Variants in SLC25A26 observed in about 807,000 individuals in gnomAD.
SLC25A26 encodes the protein mitochondrial S-adenosylmethionine carrier protein.
Under a neutral mutation model 37.8 loss-of-function variants are expected in SLC25A26, and 36 were observed. That is an observed-to-expected ratio of 0.95 (90% CI 0.73 to 1.26). SLC25A26 has a LOEUF of 1.26. Ranked by LOEUF, SLC25A26 falls within the 50% of genes most tolerant of loss-of-function variation. The pLI is 0.00. For missense variants in SLC25A26, 390 were observed against 331.1 expected, an observed-to-expected ratio of 1.18 and a Z score of -1.38; for synonymous variants, 129 against 122.5, an observed-to-expected ratio of 1.05 and a Z score of -0.35.
At chr3:66,221,375 C>T (rs1043137873) in intron 1 of SLC25A26, among the ~76,000 whole-genome samples, 3 of 152,102 alleles carry the variant, frequency 2.0e-5, no homozygotes, top group African/African-American at 4.8e-5. Context: ...TCTTTTGCAC[C>T]CTCATTTACT....
At chr3:66,244,907 G>T (rs2072757334) in intron 3 of SLC25A26, among the ~76,000 whole-genome samples, 1 of 152,030 alleles carries the variant, frequency 6.6e-6, no homozygotes, top group Non-Finnish European at 1.5e-5. Context: ...AACCCGGGAG[G>T]CAGAGCTTGC....
chr3:66,143,382 A>G (rs1161805055), intron 1 of SLC25A26, among the ~76,000 whole-genome samples: 1 of 152,184 alleles, frequency 6.6e-6, no homozygotes, highest in Non-Finnish European at 1.5e-5. Flanking sequence ...TCATGTGACA[A>G]TTCTGTTGAA....
chr3:66,353,173 C>A (rs982734727), intron 6 of SLC25A26, among the ~76,000 whole-genome samples: 1 of 152,186 alleles, frequency 6.6e-6, no homozygotes, highest in African/African-American at 2.4e-5. Flanking sequence ...GTTGCCTGAG[C>A]ACCTTTTACT....
chr3:66,156,454 GC>G lies in SLC25A26; in HGVS notation c.-354+22472del, dbSNP rs1219448374. On this transcript the variant is annotated intron_variant, in intron 1 of 10. Transcript: ENST00000676754. ...TAGCAACATGATATAGGGTGATAGG[GC>G]CAGGGGTGGGAAGGGTTATTTTGAT... 2.4e-5 allele frequency among the ~76,000 whole-genome samples: 3 copies of G among 127,336 alleles called. No homozygotes were observed. In the South Asian group the frequency reaches 7.5e-4, roughly 32 times the overall value. 83.5% of individuals were successfully genotyped at this position (127,336 alleles called of 152,430 possible).
At chr3:66,202,475 A>G (rs1469168317) in intron 1 of SLC25A26, among the ~76,000 whole-genome samples, 2 of 150,780 alleles carry the variant, frequency 1.3e-5, no homozygotes, top group East Asian at 3.9e-4. Context: ...GCATGTGTAT[A>G]CCTATGTAAC....
Position 66,377,834 on chromosome 3 carries a change from C to A in SLC25A26, c.*27C>A, listed in dbSNP as rs762789141. 1.3e-6 allele frequency: 2 copies of A among 1,560,982 alleles called. No homozygotes were observed. Among genetic ancestry groups the A allele is most frequent in the African/African-American group, 2.7e-5 (2 of 73,870 alleles). On this transcript the variant is annotated 3_prime_UTR_variant, in exon 10 of 10. Coordinates refer to ENST00000354883, the MANE Select transcript of SLC25A26 (RefSeq NM_001379210.1). ...GCAGAGACAAGCCTCACCTCCACTT[C>A]TGTCAAGAGAGGGGCCTGCAGTGCA...
intron 1 of SLC25A26, among the ~76,000 whole-genome samples, chr3:66,157,030 C>G (rs1042428331): frequency 6.6e-6 from 1 of 152,012 alleles, no homozygotes; most frequent in Non-Finnish European, 1.5e-5. Context: ...CTCAGGAGTT[C>G]AAGACCAGCC....
rs1221633027 is a variant in SLC25A26 at position 66,262,048 on chromosome 3, T to C, written c.301-3T>C. ...TTAGGATATAATCAAATTTGTCTTT[T>C]AGGTTGCCTGCCTGATTCGAGTTCC... On this transcript the variant is annotated splice_region_variant and splice_polypyrimidine_tract_variant and intron_variant, in intron 3 of 9. Transcript: ENST00000354883. The C allele has an allele frequency of 1.3e-6, 2 of 1,551,472 alleles. No individual in the cohort carries two copies. Among genetic ancestry groups the C allele is most frequent in the Non-Finnish European group, 1.7e-6 (2 of 1,143,604 alleles).
intron 5 of SLC25A26, among the ~76,000 whole-genome samples, chr3:66,311,382 C>T (rs1232530766): frequency 2.6e-5 from 4 of 152,032 alleles, no homozygotes; most frequent in Non-Finnish European, 5.9e-5. Context: ...TTCTAGTTAG[C>T]TGTTCCTGTA....
At chr3:66,162,605 G>A (rs145588671) in intron 1 of SLC25A26, among the ~76,000 whole-genome samples, 14,344 of 152,184 alleles carry the variant, frequency 0.094, 821 homozygotes, top group Middle Eastern at 0.18. Context: ...AATCATGGAG[G>A]TCTTTGTCAT....
At chr3:66,157,926 A>G (rs1379962151) in intron 1 of SLC25A26, among the ~76,000 whole-genome samples, 2 of 152,222 alleles carry the variant, frequency 1.3e-5, no homozygotes, top group African/African-American at 4.8e-5. Flanking sequence ...TTTCAGGTCA[A>G]ATGCAGAATT....
At chr3:66,279,995 C>T (rs754519959) in intron 5 of SLC25A26, among the ~76,000 whole-genome samples, 2 of 152,176 alleles carry the variant, frequency 1.3e-5, no homozygotes, top group Non-Finnish European at 2.9e-5. Flanking sequence ...TGTTCACAGT[C>T]AGCTATGCTA....
intron 1 of SLC25A26, among the ~76,000 whole-genome samples, chr3:66,172,028 G>A (rs1210919691): frequency 3.9e-5 from 6 of 152,046 alleles, no homozygotes; most frequent in African/African-American, 9.7e-5. Context: ...AACATCCTGC[G>A]CTCCCCTCCT....
At chr3:66,373,206 C>T (rs1465408611) in intron 9 of SLC25A26, among the ~76,000 whole-genome samples, 3 of 152,164 alleles carry the variant, frequency 2.0e-5, no homozygotes, top group African/African-American at 2.4e-5. Context: ...CTGCCACTGC[C>T]GCGAGCATCC....
intron 5 of SLC25A26, among the ~76,000 whole-genome samples, chr3:66,321,337 A>C (rs1262342846): frequency 1.3e-5 from 2 of 152,206 alleles, no homozygotes; most frequent in African/African-American, 4.8e-5. Context: ...CATGATGAGA[A>C]TCTATGCATC....
At chr3:66,173,263 C>T (rs538414431) in intron 1 of SLC25A26, among the ~76,000 whole-genome samples, 107 of 152,292 alleles carry the variant, frequency 7.0e-4, no homozygotes, top group African/African-American at 2.4e-3. Flanking sequence ...TTCAGATTTG[C>T]CATTCCTGGG....
intron 1 of SLC25A26, among the ~76,000 whole-genome samples, chr3:66,225,248 C>A (rs975329187): frequency 1.2e-4 from 18 of 152,192 alleles, no homozygotes; most frequent in Non-Finnish European, 2.4e-4. Context: ...CCTGGACATC[C>A]CGACGTTTCC....
chr3:66,317,858 C>T (rs190685927), intron 5 of SLC25A26, among the ~76,000 whole-genome samples: 4 of 152,298 alleles, frequency 2.6e-5, no homozygotes, highest in Non-Finnish European at 2.9e-5. Flanking sequence ...AGGAGTGGAT[C>T]GGGGTCCTGC....
intron 1 of SLC25A26, among the ~76,000 whole-genome samples, chr3:66,199,114 A>C (rs1248299233): frequency 6.6e-6 from 1 of 151,616 alleles, no homozygotes; most frequent in Non-Finnish European, 1.5e-5. Flanking sequence ...TCACCCTGAC[A>C]CTGTCTCTCA....
Sources: gnomAD v4.1 joint callset for allele counts (sites outside exome capture counted in the v4.1 genomes callset) on GRCh38, gnomAD v4.1.1 for gene constraint, MANE v1.5 for transcripts, NCBI Gene and HGNC (gene_info 2026-07-23, HGNC 2026-07-21) for gene names.